The following RAB3GAP1 variants were observed in gnomAD, a reference collection of about 807,000 sequenced individuals.
The protein encoded by RAB3GAP1 is rab3 GTPase-activating protein catalytic subunit.
RAB3GAP1 carries 86 observed loss-of-function variants against 130.7 expected under a neutral mutation model. That is an observed-to-expected ratio of 0.66 (90% CI 0.55 to 0.79). RAB3GAP1 has a LOEUF of 0.79. Ranked by LOEUF, RAB3GAP1 falls within the 30% of genes least tolerant of loss-of-function variation. The probability of loss-of-function intolerance (pLI) is 0.00; values close to 1 mark genes in which losing one functional copy is unlikely to be tolerated. For missense variants in RAB3GAP1, 1,029 were observed against 1,169.4 expected (o/e 0.88, Z 1.75); for synonymous variants, 367 against 401.7 (o/e 0.91, Z 1.03).
chr2:135,090,576 A>G (rs1286284540), intron 3 of RAB3GAP1, among the ~76,000 whole-genome samples: 2 of 144,874 alleles, frequency 1.4e-5, no homozygotes, highest in Non-Finnish European at 3.0e-5. Context: ...CTTGAATGCC[A>G]AAGCTTGATA....
At chr2:135,056,237 C>G (rs1043102930) in intron 2 of RAB3GAP1, among the ~76,000 whole-genome samples, 1 of 152,146 alleles carries the variant, frequency 6.6e-6, no homozygotes. Flanking sequence ...GAGTCTCACT[C>G]TGTTGCCCAG....
At position 135,052,471 on chromosome 2, in the gene RAB3GAP1, C is replaced by T. The variant is rs1163850010; in HGVS notation, c.60C>T (p.Ala20=). The change falls in exon 2 of 24, where the codon GCC becomes GCT. Residue 20 remains alanine (A), a synonymous_variant. Transcript: ENST00000264158. ...EVFEITDFTT[A]SEWERFISKV... Reference sequence around the variant, plus strand: ...TTGAGATCACGGACTTCACCACTGCCTCGGAATGGGAAAGGTGAGTGAATC... The same window carrying T: ...TTGAGATCACGGACTTCACCACTGCTTCGGAATGGGAAAGGTGAGTGAATC... 3 of 1,613,916 alleles carry T rather than the reference C, an allele frequency of 1.9e-6. No homozygotes were observed. The highest frequency in any genetic ancestry group is 2.5e-6 in the Non-Finnish European group (3 of 1,180,036).
intron 5 of RAB3GAP1, among the ~76,000 whole-genome samples, chr2:135,109,992 C>T (rs1417723589): frequency 2.0e-5 from 3 of 151,832 alleles, no homozygotes; most frequent in African/African-American, 4.8e-5. Flanking sequence ...TTTTTTAAAG[C>T]TCCCACGTAA....
At chr2:135,100,636 C>G (rs1157509009) in intron 5 of RAB3GAP1, among the ~76,000 whole-genome samples, 11 of 152,192 alleles carry the variant, frequency 7.2e-5, no homozygotes, top group African/African-American at 2.7e-4. Context: ...AACAACAAAG[C>G]TTTTGAGAAC....
chr2:135,140,606 C>T (rs968094353), intron 17 of RAB3GAP1, among the ~76,000 whole-genome samples: 4 of 152,194 alleles, frequency 2.6e-5, no homozygotes, highest in Non-Finnish European at 5.9e-5. Context: ...CACTTAATTC[C>T]TGTTGCAACA....
intron 2 of RAB3GAP1, among the ~76,000 whole-genome samples, chr2:135,054,789 T>C (rs977350811): frequency 2.6e-5 from 4 of 152,248 alleles, no homozygotes; most frequent in African/African-American, 9.6e-5. Flanking sequence ...AACACCGTTA[T>C]AAGAACTATT....
At chr2:135,126,994 G>C (rs984521701) in intron 11 of RAB3GAP1, among the ~76,000 whole-genome samples, 1 of 151,846 alleles carries the variant, frequency 6.6e-6, no homozygotes, top group African/African-American at 2.4e-5. Flanking sequence ...TCCTCCCTCA[G>C]CCTCCCGAGT....
chr2:135,161,915 T>TATCA (rs1020650518), intron 19 of RAB3GAP1, among the ~76,000 whole-genome samples: 4 of 152,306 alleles, frequency 2.6e-5, no homozygotes, highest in African/African-American at 9.6e-5. Flanking sequence ...CATGAGCATT[T>TATCA]ATCAGTCAGA....
chr2:135,135,233 A>G lies in RAB3GAP1; in HGVS notation c.1500-32A>G, dbSNP rs753254532. On this transcript the variant is annotated intron_variant, in intron 15 of 23. Transcript: ENST00000264158. ...TATCTGAAGCAATTTTACTAAAACT[A>G]AGCTTTCTTTTCTCCTTACTTTATT... 46 of 1,565,210 alleles carry G rather than the reference A, an allele frequency of 2.9e-5. 1 individual carries two copies. Among genetic ancestry groups the G allele is most frequent in the Non-Finnish European group, 4.0e-5 (46 of 1,136,134 alleles).
intron 19 of RAB3GAP1, among the ~76,000 whole-genome samples, chr2:135,158,700 C>T (rs1692383795): frequency 5.9e-5 from 9 of 152,136 alleles, no homozygotes; most frequent in South Asian, 2.1e-4. Flanking sequence ...TGAAGAGCAT[C>T]ATCTTGCATG....
At chr2:135,117,444 TCTTCTTCTTCTGCTTCTG>T (rs1334929251) in intron 7 of RAB3GAP1, among the ~76,000 whole-genome samples, 37 of 107,694 alleles carry the variant, frequency 3.4e-4, no homozygotes, top group African/African-American at 1.1e-3. Context: ...TTCTTCTTCT[TCTTCTTCTTCTGCTTCTG>T]CTTCTGCTTC....
At chr2:135,083,630 A>ATT (rs201120356) in intron 3 of RAB3GAP1, among the ~76,000 whole-genome samples, 1 of 141,516 alleles carries the variant, frequency 7.1e-6, no homozygotes. Flanking sequence ...TTAAAAAAAA[A>ATT]TTTTTTTTTT....
At chr2:135,156,200 A>G (rs890783292) in intron 19 of RAB3GAP1, among the ~76,000 whole-genome samples, 2 of 152,182 alleles carry the variant, frequency 1.3e-5, no homozygotes, top group African/African-American at 4.8e-5. Context: ...TTATCAAGGA[A>G]CTGCCACATT....
chr2:135,164,390 G>A (rs1336942184), intron 22 of RAB3GAP1, among the ~76,000 whole-genome samples: 4 of 152,132 alleles, frequency 2.6e-5, no homozygotes, highest in Non-Finnish European at 5.9e-5. Flanking sequence ...ATGAGCACAG[G>A]TGAAAAAGCA....
chr2:135,101,701 A>G (rs1255306386), intron 5 of RAB3GAP1, among the ~76,000 whole-genome samples: 1 of 152,184 alleles, frequency 6.6e-6, no homozygotes, highest in African/African-American at 2.4e-5. Flanking sequence ...GGCATGATCA[A>G]TTTTATGTTC....
chr2:135,085,660 C>T (rs1689951287), intron 3 of RAB3GAP1, among the ~76,000 whole-genome samples: 1 of 152,122 alleles, frequency 6.6e-6, no homozygotes, highest in Admixed American at 6.5e-5. Context: ...ACATAATTGC[C>T]ATTACTGTCT....
In RAB3GAP1 at chr2:135,146,999, C is replaced by CAT. The variant is rs1553448228; in HGVS notation, c.1924-3370_1924-3369insAT. 4.2e-4 allele frequency among the ~76,000 whole-genome samples: 63 copies of CAT among 150,562 alleles called. No individual in the cohort carries two copies. The East Asian group carries it at 8.2e-3, about 19-fold the overall frequency. ...ACACACACACACACACACACACACA[C>CAT]GAAAATTTATCAAATGTGCCTTTAA... is the stretch of plus-strand genomic sequence containing the variant. On this transcript the variant is annotated intron_variant, in intron 17 of 23. Coordinates refer to ENST00000264158, the MANE Select transcript of RAB3GAP1 (RefSeq NM_012233.3).
At position 135,077,513 on chromosome 2, in the gene RAB3GAP1, G is replaced by A. The variant is rs139256547; in HGVS notation, c.151-13485G>A. Among the ~76,000 whole-genome samples the A allele has an allele frequency of 1.5e-3, 223 of 152,234 alleles. 1 individual carries two copies. The highest frequency in any genetic ancestry group is 5.2e-3 in the African/African-American group (216 of 41,546). ...TTGAGACCAGCCTGGGCAACATAGC[G>A]AGACCCTATCTCTACCAAAAAAATC... On this transcript the variant is annotated intron_variant, in intron 3 of 23. Coordinates refer to ENST00000264158, the MANE Select transcript of RAB3GAP1 (RefSeq NM_012233.3).
At chr2:135,060,549 C>G (rs569357862) in intron 3 of RAB3GAP1, among the ~76,000 whole-genome samples, 3 of 150,028 alleles carry the variant, frequency 2.0e-5, no homozygotes, top group African/African-American at 7.4e-5. Flanking sequence ...TGTGAGCCAC[C>G]GCGCCTGGCC....
Sources: gnomAD v4.1 joint callset for allele counts (sites outside exome capture counted in the v4.1 genomes callset) on GRCh38, gnomAD v4.1.1 for gene constraint, MANE v1.5 for transcripts, NCBI Gene and HGNC (gene_info 2026-07-23, HGNC 2026-07-21) for gene names.